ZFHX3: variants seen among roughly 807,000 people sequenced by gnomAD.
The protein encoded by ZFHX3 is zinc finger homeobox 3.
Under a neutral mutation model 279.1 loss-of-function variants are expected in ZFHX3, and 42 were observed. The observed-to-expected ratio is 0.15, with a 90% CI of 0.12 to 0.19. The LOEUF is 0.19. ZFHX3 is among the 10% of genes least tolerant of loss of function. The pLI, the probability that ZFHX3 is intolerant of heterozygous loss-of-function variation, is 1.00. For missense variants in ZFHX3, 4,981 were observed against 4,754.0 expected, an observed-to-expected ratio of 1.05 and a Z score of -1.40; for synonymous variants, 2,293 against 1,957.8, an observed-to-expected ratio of 1.17 and a Z score of -4.52.
Position 72,798,676 on chromosome 16 carries a change from C to T in ZFHX3, c.4006G>A (p.Ala1336Thr), listed in dbSNP as rs751584946. ...EDLGKNILPS[A>T]STEQSGDLKP... ...AAATCTCCGCTTTGCTCTGTGCTTG[C>T]GGATGGCAAGATGTTCTTTCCCAGA... The change falls in exon 9 of 10, where the codon GCA becomes ACA. Residue 1336 changes from alanine (A) to threonine (T), a missense_variant. Ala to Thr is a moderately conservative substitution (Grantham distance 58). This residue lies in a region of ZFHX3 where 1,751 missense variants were observed against 1,770.0 expected (regional missense o/e 0.99). Transcript: ENST00000268489. 4 of 1,581,670 alleles carry T rather than the reference C, an allele frequency of 2.5e-6. No homozygotes were observed. The highest frequency in any genetic ancestry group is 2.3e-5 in the East Asian group (1 of 44,390).
chr16:72,805,553 G>C (rs2036239157), intron 7 of ZFHX3, among the ~76,000 whole-genome samples: 1 of 152,198 alleles, frequency 6.6e-6, no homozygotes, highest in Non-Finnish European at 1.5e-5. Context: ...CTACATCCTT[G>C]TGGATGAGAC....
chr16:73,259,050 CTTTAT>C (rs2013741762), intron 4 of ZFHX3, among the ~76,000 whole-genome samples: 1 of 152,132 alleles, frequency 6.6e-6, no homozygotes, highest in African/African-American at 2.4e-5. Context: ...GTTTCAATTC[CTTTAT>C]TTTAACTGTG....
chr16:73,648,323 G>A (rs2052639409), intron 2 of ZFHX3, among the ~76,000 whole-genome samples: 1 of 152,108 alleles, frequency 6.6e-6, no homozygotes, highest in Non-Finnish European at 1.5e-5. Flanking sequence ...TTATCAATTG[G>A]GTTTATAGGA....
chr16:72,854,820 C>G (rs1190483387), intron 4 of ZFHX3, among the ~76,000 whole-genome samples: 2 of 151,560 alleles, frequency 1.3e-5, no homozygotes, highest in African/African-American at 4.9e-5. Flanking sequence ...CTTCTTAACA[C>G]TTAGCTGGGT....
intron 2 of ZFHX3, among the ~76,000 whole-genome samples, chr16:73,598,306 C>T (rs1007266331): frequency 6.6e-6 from 1 of 152,172 alleles, no homozygotes; most frequent in African/African-American, 2.4e-5. Flanking sequence ...TCTGGTTTAG[C>T]TAGGTCAAGC....
At chr16:73,473,365 A>AAAAAAAAAAAAAAAAAAAC (rs2018708335) in intron 2 of ZFHX3, among the ~76,000 whole-genome samples, 2 of 130,146 alleles carry the variant, frequency 1.5e-5, no homozygotes, top group African/African-American at 6.2e-5. Flanking sequence ...AAACAAAAAA[A>AAAAAAAAAAAAAAAAAAAC]AAAAAAACAA....
At chr16:73,853,349 C>A (rs549462804) in intron 1 of ZFHX3, among the ~76,000 whole-genome samples, 2 of 152,252 alleles carry the variant, frequency 1.3e-5, no homozygotes, top group East Asian at 1.9e-4. Flanking sequence ...AAAAAGAAAT[C>A]ATTATATTAA....
chr16:73,129,699 T>C (rs1447366233), intron 7 of ZFHX3, among the ~76,000 whole-genome samples: 7 of 141,820 alleles, frequency 4.9e-5, no homozygotes, highest in African/African-American at 8.0e-5. Context: ...CGCATGTGCA[T>C]GTGTGTGCAT....
chr16:73,649,829 A>C (rs575224810), intron 2 of ZFHX3, among the ~76,000 whole-genome samples: 1 of 152,208 alleles, frequency 6.6e-6, no homozygotes, highest in Non-Finnish European at 1.5e-5. Context: ...TAAGAGTCCA[A>C]AGGCCAAAGG....
Position 73,737,418 on chromosome 16 carries a change from CTG to C in ZFHX3, c.-1607-57180_-1607-57179del, listed in dbSNP as rs1306604818. Reference sequence around the variant, plus strand: ...AAACAAATTTAACCTGCTCTCCAAGCTGTGTCTTGTTTTGATCATCCTTTGTG... The same window carrying C: ...AAACAAATTTAACCTGCTCTCCAAGCTGTCTTGTTTTGATCATCCTTTGTG... On this transcript the variant is annotated intron_variant, in intron 1 of 17. Transcript: ENST00000641206. Among the ~76,000 whole-genome samples the C allele has an allele frequency of 3.3e-5, 5 of 152,304 alleles. No individual in the cohort carries two copies. In the East Asian group the frequency reaches 7.7e-4, roughly 24 times the overall value.
chr16:73,305,523 G>T (rs1203467007), intron 4 of ZFHX3, among the ~76,000 whole-genome samples: 1 of 151,912 alleles, frequency 6.6e-6, no homozygotes, highest in East Asian at 1.9e-4. Flanking sequence ...ACAATCAGTT[G>T]CTTCCCAGAT....
At chr16:73,206,499 C>T (rs1481772816) in intron 5 of ZFHX3, among the ~76,000 whole-genome samples, 2 of 152,092 alleles carry the variant, frequency 1.3e-5, no homozygotes, top group East Asian at 1.9e-4. Context: ...TTCGCTACTG[C>T]CTTTCTTATC....
chr16:73,308,224 CAT>C (rs56199536), intron 4 of ZFHX3, among the ~76,000 whole-genome samples: 171 of 108,338 alleles, frequency 1.6e-3, no homozygotes, highest in South Asian at 2.7e-3. Context: ...CATATGCATG[CAT>C]ATATATATAT....
chr16:73,270,453 G>C (rs1022008007), intron 4 of ZFHX3, among the ~76,000 whole-genome samples: 4 of 152,156 alleles, frequency 2.6e-5, no homozygotes, highest in South Asian at 2.1e-4. Context: ...CTCATCTCAG[G>C]GGAGGAACCG....
rs397766441 is a variant in ZFHX3 at position 73,557,094 on chromosome 16, C to CAAAAAAAA, written c.-1546-100844_-1546-100837dup. Among the ~76,000 whole-genome samples, 11 of 68,556 alleles carry CAAAAAAAA rather than the reference C, an allele frequency of 1.6e-4. 4 individuals are homozygous for CAAAAAAAA. The highest frequency in any genetic ancestry group is 3.3e-4 in the Admixed American group (2 of 6,024). 45.0% of individuals were successfully genotyped at this position (68,556 alleles called of 152,430 possible). A position where few individuals can be genotyped will look rare whatever the true frequency, so the allele number is the denominator to read the frequency against. On this transcript the variant is annotated intron_variant, in intron 2 of 17. Coordinates refer to the ZFHX3 transcript ENST00000641206. ...TGGGGGACAGAGCAAGACTCCGTCT[C>CAAAAAAAA]AAAAAAAAAAAAAAAAAAAAAAAAA...
intron 3 of ZFHX3, among the ~76,000 whole-genome samples, chr16:73,375,729 A>G (rs2016711270): frequency 1.3e-5 from 2 of 152,142 alleles, no homozygotes; most frequent in African/African-American, 2.4e-5. Context: ...CTAAATACTT[A>G]TTTGCTTTAT....
chr16:73,598,581 C>G (rs2143856594), intron 2 of ZFHX3, among the ~76,000 whole-genome samples: 1 of 151,862 alleles, frequency 6.6e-6, no homozygotes, highest in East Asian at 1.9e-4. Context: ...CCACGCCCGA[C>G]CAATTTTTAA....
chr16:73,598,728 G>A (rs918804748), intron 2 of ZFHX3, among the ~76,000 whole-genome samples: 8 of 151,886 alleles, frequency 5.3e-5, no homozygotes, highest in Non-Finnish European at 1.0e-4. Flanking sequence ...CCTAGAACAC[G>A]ATTCTTGATC....
intron 1 of ZFHX3, among the ~76,000 whole-genome samples, chr16:73,808,748 T>C (rs1340972181): frequency 2.0e-5 from 3 of 152,184 alleles, no homozygotes; most frequent in African/African-American, 7.2e-5. Flanking sequence ...GGCTTGAGTT[T>C]CCAGAGCTAG....
Sources: gnomAD v4.1 joint callset for allele counts (sites outside exome capture counted in the v4.1 genomes callset) on GRCh38, gnomAD v4.1.1 for gene constraint, gnomAD v4.1.1 regional missense constraint, MANE v1.5 for transcripts, NCBI Gene and HGNC (gene_info 2026-07-23, HGNC 2026-07-21) for gene names.